The following WWP2 variants were observed in gnomAD, a reference collection of about 807,000 sequenced individuals.
The protein encoded by WWP2 is NEDD4-like E3 ubiquitin-protein ligase WWP2.
A neutral mutation model predicts 121.0 loss-of-function variants in WWP2; 57 were observed. The ratio of observed to expected loss-of-function variants is 0.47; its 90% CI spans 0.38 to 0.59. WWP2 has a LOEUF of 0.59. Among genes scored for constraint, WWP2 ranks in the 20% least tolerant of loss-of-function variants. The pLI is 0.00. For missense variants in WWP2, 962 were observed against 1,158.9 expected (o/e 0.83, Z 2.47); for synonymous variants, 449 against 441.3 (o/e 1.02, Z -0.22).
At position 69,929,519 on chromosome 16, in the gene WWP2, C is replaced by G. The variant is rs759817643; in HGVS notation, c.1306C>G (p.Arg436Gly). Residue 436 changes from arginine (R) to glycine (G), a missense_variant, in exon 12 of 24, where the codon CGG (arginine) becomes GGG (glycine). By Grantham distance (125) the Arg-to-Gly change is moderately radical. Around this residue, in one of 3 missense-constraint regions of WWP2, gnomAD observed 606 missense variants for 772.6 expected, o/e 0.78. Transcript: ENST00000359154. ...TCGCACGACCCAGTGGGAGGATCCC[C>G]GGACCCAGGGGTAAGGACTTGGGCT... The part of the protein sequence containing the change: ...NTRTTQWEDP[R>G]TQGMIQEPAL... 77 of 1,613,950 alleles carry G rather than the reference C, an allele frequency of 4.8e-5. No individual in the cohort carries two copies. Among genetic ancestry groups the G allele is most frequent in the Non-Finnish European group, 6.5e-5 (77 of 1,179,980 alleles).
At chr16:69,804,455 G>A (rs1337499481) in intron 4 of WWP2, among the ~76,000 whole-genome samples, 1 of 152,022 alleles carries the variant, frequency 6.6e-6, no homozygotes, top group Non-Finnish European at 1.5e-5. Flanking sequence ...TAATCCATCT[G>A]TTTCCCCAAT....
intron 4 of WWP2, among the ~76,000 whole-genome samples, chr16:69,817,439 G>C (rs1229337201): frequency 1.3e-5 from 2 of 152,052 alleles, no homozygotes; most frequent in Admixed American, 6.6e-5. Flanking sequence ...AGTAGAGACA[G>C]GGTTTTTGCT....
At chr16:69,878,899 C>G (rs886857015) in intron 7 of WWP2, among the ~76,000 whole-genome samples, 2 of 152,082 alleles carry the variant, frequency 1.3e-5, no homozygotes, top group African/African-American at 4.8e-5. Flanking sequence ...AGCAGACCGT[C>G]TTTCTAAGAG....
intron 4 of WWP2, among the ~76,000 whole-genome samples, chr16:69,804,090 A>G (rs1191042379): frequency 6.6e-6 from 1 of 151,990 alleles, no homozygotes; most frequent in Non-Finnish European, 1.5e-5. Flanking sequence ...AGAACTCTTT[A>G]TTTGTTAAGG....
intron 11 of WWP2, among the ~76,000 whole-genome samples, chr16:69,928,209 G>A (rs1031899222): frequency 6.6e-6 from 1 of 152,140 alleles, no homozygotes; most frequent in Non-Finnish European, 1.5e-5. Context: ...TTCTGGAACT[G>A]ATTATTTTTG....
intron 13 of WWP2, 99 bp downstream of exon 13, chr16:69,930,357 C>T (rs566290302): frequency 7.8e-6 from 12 of 1,534,968 alleles, no homozygotes; most frequent in African/African-American, 6.9e-5. Flanking sequence ...CCCTGTGGTG[C>T]GTTCTACTGC....
At chr16:69,790,785 A>G (rs1461803263) in intron 2 of WWP2, among the ~76,000 whole-genome samples, 3 of 152,064 alleles carry the variant, frequency 2.0e-5, no homozygotes, top group Non-Finnish European at 2.9e-5. Context: ...TATGTTGGCC[A>G]GGCTGGTCTC....
intron 2 of WWP2, among the ~76,000 whole-genome samples, chr16:69,794,821 G>T (rs768806279): frequency 2.0e-5 from 3 of 152,224 alleles, no homozygotes; most frequent in Non-Finnish European, 2.9e-5. Flanking sequence ...CCATGGAAAA[G>T]AAGGGAGGAT....
chr16:69,887,932 T>C (rs567394704), intron 7 of WWP2, 107 bp from the exon 8 acceptor site: 2 of 1,328,668 alleles, frequency 1.5e-6, no homozygotes, highest in South Asian at 1.4e-5. Flanking sequence ...ATACATGTAG[T>C]GTAACATTGT....
intron 8 of WWP2, among the ~76,000 whole-genome samples, chr16:69,888,546 T>C (rs920808100): frequency 6.6e-5 from 10 of 152,236 alleles, no homozygotes; most frequent in African/African-American, 1.9e-4. Flanking sequence ...TCCTGAATCA[T>C]TGGAGGATGT....
chr16:69,792,119 G>A (rs1359027821), intron 2 of WWP2, among the ~76,000 whole-genome samples: 1 of 152,122 alleles, frequency 6.6e-6, no homozygotes, highest in Non-Finnish European at 1.5e-5. Flanking sequence ...TGTAACCTGT[G>A]GGGTGTGACT....
chr16:69,865,513 G>A (rs1272582316), intron 6 of WWP2, among the ~76,000 whole-genome samples: 2 of 152,174 alleles, frequency 1.3e-5, no homozygotes, highest in East Asian at 3.8e-4. Context: ...ATTTCTAAAG[G>A]GGGGGTACCA....
chr16:69,859,255 A>G (rs1179302780), intron 6 of WWP2, among the ~76,000 whole-genome samples: 2 of 152,168 alleles, frequency 1.3e-5, no homozygotes, highest in Admixed American at 6.5e-5. Flanking sequence ...AAGAATTCAT[A>G]TCAAAGGTCA....
chr16:69,839,721 C>T (rs1031623215), intron 4 of WWP2, among the ~76,000 whole-genome samples: 2 of 152,216 alleles, frequency 1.3e-5, no homozygotes, highest in Non-Finnish European at 2.9e-5. Flanking sequence ...GATGGAGATG[C>T]CTCCTGTTGA....
intron 1 of WWP2, among the ~76,000 whole-genome samples, chr16:69,764,314 T>C (rs1346429761): frequency 6.6e-6 from 1 of 152,092 alleles, no homozygotes; most frequent in Non-Finnish European, 1.5e-5. Flanking sequence ...GATCCTCCCA[T>C]GTCTGCCTCC....
chr16:69,889,485 C>A (rs2057987449), intron 8 of WWP2, among the ~76,000 whole-genome samples: 1 of 152,176 alleles, frequency 6.6e-6, no homozygotes, highest in Admixed American at 6.5e-5. Context: ...CACCATGTGA[C>A]CTTGGCCGAA....
chr16:69,855,741 G>GA (rs2151895312), intron 6 of WWP2, among the ~76,000 whole-genome samples: 1 of 152,300 alleles, frequency 6.6e-6, no homozygotes, highest in South Asian at 2.1e-4. Flanking sequence ...TGTGCCTTTG[G>GA]AGTTGAAGGA....
intron 6 of WWP2, among the ~76,000 whole-genome samples, chr16:69,863,789 T>C (rs1003728219): frequency 1.3e-5 from 2 of 152,232 alleles, no homozygotes; most frequent in Non-Finnish European, 2.9e-5. Flanking sequence ...GTTTGACCTC[T>C]TCTTGAATAT....
chr16:69,909,156 GC>G (rs1159900516), intron 9 of WWP2: 2 of 1,056,772 alleles, frequency 1.9e-6, no homozygotes, highest in African/African-American at 3.3e-5. Context: ...ATTCGGCAGG[GC>G]TTCGTGAGAA....
Sources: gnomAD v4.1 joint callset for allele counts (sites outside exome capture counted in the v4.1 genomes callset) on GRCh38, gnomAD v4.1.1 for gene constraint, gnomAD v4.1.1 regional missense constraint, MANE v1.5 for transcripts, NCBI Gene and HGNC (gene_info 2026-07-23, HGNC 2026-07-21) for gene names.